Variants in HS3ST5 observed in about 807,000 individuals in gnomAD.
The protein encoded by HS3ST5 is heparan sulfate-glucosamine 3-sulfotransferase 5.
In HS3ST5, 10 loss-of-function variants were observed where a neutral mutation model predicts 25.4. The ratio of observed to expected loss-of-function variants is 0.39; its 90% CI spans 0.24 to 0.67. HS3ST5 has a LOEUF of 0.67. Among genes scored for constraint, HS3ST5 ranks in the 30% least tolerant of loss-of-function variants. The pLI, the probability that HS3ST5 is intolerant of heterozygous loss-of-function variation, is 0.44. For synonymous variants in HS3ST5, 170 were observed against 162.4 expected (o/e 1.05, Z -0.36); for missense variants, 324 against 420.7 (o/e 0.77, Z 2.01).
chr6:114,249,588 T>C (rs1355249501), intron 1 of HS3ST5, among the ~76,000 whole-genome samples: 1 of 152,178 alleles, frequency 6.6e-6, no homozygotes, highest in Non-Finnish European at 1.5e-5. Context: ...TGCCCTTGGC[T>C]GAAGGAAACT....
chr6:114,145,022 C>T (rs77785176), intron 3 of HS3ST5, among the ~76,000 whole-genome samples: 222 of 152,326 alleles, frequency 1.5e-3, no homozygotes, highest in African/African-American at 5.1e-3. Context: ...ACGGAAATTA[C>T]TCTCACTTGT....
intron 3 of HS3ST5, among the ~76,000 whole-genome samples, chr6:114,102,871 C>A (rs1775800868): frequency 6.6e-6 from 1 of 152,098 alleles, no homozygotes; most frequent in South Asian, 2.1e-4. Flanking sequence ...AGTTTCCAGA[C>A]CAAGATAAAA....
At chr6:114,220,980 A>G (rs926902224) in intron 2 of HS3ST5, among the ~76,000 whole-genome samples, 2 of 151,992 alleles carry the variant, frequency 1.3e-5, no homozygotes, top group Non-Finnish European at 2.9e-5. Flanking sequence ...TCTCAAGTAG[A>G]GTCAATTACA....
intron 3 of HS3ST5, among the ~76,000 whole-genome samples, chr6:114,116,356 G>T (rs566077039): frequency 6.6e-6 from 1 of 152,166 alleles, no homozygotes. Context: ...AGAAAGAAAT[G>T]CCAGCCTAAG....
chr6:114,208,882 T>C (rs982103522), intron 2 of HS3ST5, among the ~76,000 whole-genome samples: 1 of 152,158 alleles, frequency 6.6e-6, no homozygotes, highest in African/African-American at 2.4e-5. Flanking sequence ...GTTTAGGGTT[T>C]GTCTTGGGTT....
At chr6:114,065,721 C>T (rs1773410760) in intron 3 of HS3ST5, among the ~76,000 whole-genome samples, 1 of 152,184 alleles carries the variant, frequency 6.6e-6, no homozygotes, top group Non-Finnish European at 1.5e-5. Flanking sequence ...GGGAATAAAG[C>T]TTGTCTGTGG....
At chr6:114,223,975 G>A (rs1165902880) in intron 2 of HS3ST5, among the ~76,000 whole-genome samples, 1 of 151,568 alleles carries the variant, frequency 6.6e-6, no homozygotes, top group African/African-American at 2.4e-5. Context: ...AGCTCTTAAA[G>A]CTATTACTTA....
At chr6:114,308,046 T>C (rs1036964693) in intron 1 of HS3ST5, among the ~76,000 whole-genome samples, 5 of 152,120 alleles carry the variant, frequency 3.3e-5, no homozygotes, top group African/African-American at 1.2e-4. Flanking sequence ...TTTTATACAT[T>C]GACATTGTTC....
intron 1 of HS3ST5, among the ~76,000 whole-genome samples, chr6:114,325,510 T>A (rs1027655747): frequency 6.6e-6 from 1 of 152,168 alleles, no homozygotes. Flanking sequence ...CTGTTGAACA[T>A]GTGAAACATA....
intron 3 of HS3ST5, among the ~76,000 whole-genome samples, chr6:114,150,474 A>G (rs1042969459): frequency 3.9e-5 from 6 of 152,250 alleles, no homozygotes. Flanking sequence ...TATTTACTTC[A>G]TATATGAGAA....
intron 3 of HS3ST5, among the ~76,000 whole-genome samples, chr6:114,131,028 C>T (rs560903459): frequency 3.3e-5 from 5 of 151,996 alleles, no homozygotes; most frequent in Admixed American, 6.6e-5. Flanking sequence ...GGCAACAAAG[C>T]AAGATCCTGT....
chr6:114,065,946 C>T (rs760572939), intron 3 of HS3ST5, among the ~76,000 whole-genome samples: 4 of 152,204 alleles, frequency 2.6e-5, no homozygotes, highest in Non-Finnish European at 4.4e-5. Flanking sequence ...CCTTGGTCCA[C>T]CTGTCTGTTT....
At chr6:114,195,101 C>G (rs1780676061) in intron 2 of HS3ST5, among the ~76,000 whole-genome samples, 1 of 152,166 alleles carries the variant, frequency 6.6e-6, no homozygotes, top group Non-Finnish European at 1.5e-5. Flanking sequence ...CACCACTTTA[C>G]CCGAGAGTTT....
At chr6:114,136,202 T>C (rs1338387163) in intron 3 of HS3ST5, among the ~76,000 whole-genome samples, 1 of 152,246 alleles carries the variant, frequency 6.6e-6, no homozygotes, top group Non-Finnish European at 1.5e-5. Context: ...AATCTCATCT[T>C]GAATTGTAGC....
intron 3 of HS3ST5, among the ~76,000 whole-genome samples, chr6:114,140,776 G>T (rs1487279372): frequency 1.3e-5 from 2 of 152,208 alleles, no homozygotes; most frequent in African/African-American, 4.8e-5. Flanking sequence ...TGGCTAGTTT[G>T]TTATTTTTCA....
chr6:114,308,968 C>T (rs574266544), intron 1 of HS3ST5, among the ~76,000 whole-genome samples: 5 of 152,186 alleles, frequency 3.3e-5, no homozygotes, highest in South Asian at 2.1e-4. Context: ...TCATGTTAAC[C>T]GGCAACTAGG....
Position 114,273,353 on chromosome 6 carries a change from T to G in HS3ST5, c.-338-44575A>C, listed in dbSNP as rs138708303. 4.6e-5 allele frequency among the ~76,000 whole-genome samples: 7 copies of G among 152,208 alleles called. No homozygotes were observed. In the East Asian group the frequency reaches 1.4e-3, roughly 30 times the overall value. ...TTAACTGAAAAATTGGGATTTGTTT[T>G]GGATCTTTAAATTTGAGATGCTTAT... On this transcript the variant is annotated intron_variant, in intron 1 of 4. Coordinates refer to ENST00000312719, the MANE Select transcript of HS3ST5 (RefSeq NM_153612.4).
In HS3ST5 at chr6:114,160,234, T is replaced by C. The variant is rs183159923; in HGVS notation, c.-33+8117A>G. 1.1e-3 allele frequency among the ~76,000 whole-genome samples: 168 copies of C among 152,272 alleles called. 1 individual carries two copies. The East Asian group carries it at 0.024, about 21-fold the overall frequency. On this transcript the variant is annotated intron_variant, in intron 3 of 4. Transcript: ENST00000312719. ...CTTTAGAATACTTCTTATCAATCTTTGTTGACACCATGATTATTTTTAATA... is the reference window on the plus strand; with the variant it reads ...CTTTAGAATACTTCTTATCAATCTTCGTTGACACCATGATTATTTTTAATA...
chr6:114,319,578 A>G (rs2114873993), intron 1 of HS3ST5, among the ~76,000 whole-genome samples: 1 of 152,230 alleles, frequency 6.6e-6, no homozygotes, highest in East Asian at 1.9e-4. Flanking sequence ...AGCACAGGTG[A>G]GCAAATTAAA....
Sources: gnomAD v4.1 joint callset for allele counts (sites outside exome capture counted in the v4.1 genomes callset) on GRCh38, gnomAD v4.1.1 for gene constraint, MANE v1.5 for transcripts, NCBI Gene and HGNC (gene_info 2026-07-23, HGNC 2026-07-21) for gene names.